NCK1: variants seen among roughly 807,000 people sequenced by gnomAD.
NCK1 encodes the protein NCK adaptor protein 1.
In NCK1, 19 loss-of-function variants were observed where a neutral mutation model predicts 36.6. The observed-to-expected ratio is 0.52, with a 90% CI of 0.36 to 0.76. The LOEUF (loss-of-function observed/expected upper bound fraction) is 0.76, where lower values mean the gene tolerates loss of function less well. Among genes scored for constraint, NCK1 ranks in the 30% least tolerant of loss-of-function variants. The probability of loss-of-function intolerance (pLI) is 0.00; values close to 1 mark genes in which losing one functional copy is unlikely to be tolerated. For missense variants in NCK1, 358 were observed against 445.6 expected, an observed-to-expected ratio of 0.80 and a Z score of 1.77; for synonymous variants, 165 against 156.0, an observed-to-expected ratio of 1.06 and a Z score of -0.43.
In NCK1 at chr3:136,951,263, T is replaced by C. The variant is rs1187086637; in HGVS notation, c.*2810T>C. Among the ~76,000 whole-genome samples the C allele has an allele frequency of 6.6e-6, 1 of 152,204 alleles. No individual in the cohort carries two copies. Among genetic ancestry groups the C allele is most frequent in the Admixed American group, 6.5e-5 (1 of 15,274 alleles). On this transcript the variant is annotated 3_prime_UTR_variant, in exon 4 of 4. Coordinates refer to ENST00000481752, the MANE Select transcript of NCK1 (RefSeq NM_001291999.2). ...CTGTAGCACGTTTGTGAGAATTCTCTAGGCAGGCCCAGCCCTTCTCTAGAA... is the reference window on the plus strand; with the variant it reads ...CTGTAGCACGTTTGTGAGAATTCTCCAGGCAGGCCCAGCCCTTCTCTAGAA...
chr3:136,947,446 G>C (rs1560057724), intron 3 of NCK1, among the ~76,000 whole-genome samples: 1 of 152,098 alleles, frequency 6.6e-6, no homozygotes, highest in Non-Finnish European at 1.5e-5. Context: ...ATTTTTAGCA[G>C]TATACTTTTT....
intron 1 of NCK1, among the ~76,000 whole-genome samples, 195 bp downstream of exon 1, chr3:136,862,548 T>A (rs145530507): frequency 3.0e-4 from 46 of 152,296 alleles, no homozygotes; most frequent in Non-Finnish European, 6.5e-4. Context: ...TGCACCGGGA[T>A]TCCGCGAGAC....
chr3:136,872,010 T>C (rs1938635546), intron 1 of NCK1, among the ~76,000 whole-genome samples: 1 of 152,164 alleles, frequency 6.6e-6, no homozygotes, highest in Non-Finnish European at 1.5e-5. Flanking sequence ...ATCAGCAGCA[T>C]GAAAACAGAT....
chr3:136,864,021 A>T (rs998321451), intron 1 of NCK1, among the ~76,000 whole-genome samples: 1 of 152,006 alleles, frequency 6.6e-6, no homozygotes, highest in Non-Finnish European at 1.5e-5. Flanking sequence ...GAATGGCGTG[A>T]ACCCGGGAGG....
In NCK1 at chr3:136,936,304, G is replaced by A. The variant is rs570780634; in HGVS notation, c.226+8077G>A. 3.4e-4 allele frequency among the ~76,000 whole-genome samples: 52 copies of A among 152,214 alleles called. 1 individual carries two copies. The East Asian group carries it at 9.5e-3, about 28-fold the overall frequency. On this transcript the variant is annotated intron_variant, in intron 2 of 3. Coordinates refer to ENST00000481752, the MANE Select transcript of NCK1 (RefSeq NM_001291999.2). ...CATCTGCCCGCCTCGGCCTCCCAAA[G>A]TGCTGGGATTACAGACGTGAGCCAC...
chr3:136,897,323 C>G (rs1368637515), intron 1 of NCK1, among the ~76,000 whole-genome samples: 1 of 152,128 alleles, frequency 6.6e-6, no homozygotes, highest in Non-Finnish European at 1.5e-5. Context: ...AACTCCTGAC[C>G]TCAAGTGATC....
At chr3:136,896,301 C>T (rs1939389859) in intron 1 of NCK1, among the ~76,000 whole-genome samples, 1 of 152,056 alleles carries the variant, frequency 6.6e-6, no homozygotes, top group Admixed American at 6.5e-5. Flanking sequence ...ACCCATGTAC[C>T]CTTCTCAGAT....
chr3:136,923,745 T>C (rs1940173399), intron 1 of NCK1, among the ~76,000 whole-genome samples: 1 of 152,194 alleles, frequency 6.6e-6, no homozygotes, highest in African/African-American at 2.4e-5. Flanking sequence ...TTCAAACATG[T>C]TTGATATTTA....
rs77366837 is a variant in NCK1 at position 136,881,990 on chromosome 3, G to T, written c.-19+19637G>T. On this transcript the variant is annotated intron_variant, in intron 1 of 3. Coordinates refer to ENST00000481752, the MANE Select transcript of NCK1 (RefSeq NM_001291999.2). ...AAGAATAGTGTTTCCATGAACATGG[G>T]TGTAGAAATATCTGTTCAGGTTCCT... Among the ~76,000 whole-genome samples, 914 of 152,262 alleles carry T rather than the reference G, an allele frequency of 6.0e-3. 12 individuals are homozygous for T. Among genetic ancestry groups the T allele is most frequent in the African/African-American group, 0.021 (866 of 41,558 alleles).
At chr3:136,890,315 C>T (rs1036534968) in intron 1 of NCK1, among the ~76,000 whole-genome samples, 6 of 152,302 alleles carry the variant, frequency 3.9e-5, no homozygotes, top group Admixed American at 2.6e-4. Context: ...GCCAAGCCCA[C>T]GCCCACCCGG....
At chr3:136,903,052 G>A (rs1444636597) in intron 1 of NCK1, among the ~76,000 whole-genome samples, 2 of 152,208 alleles carry the variant, frequency 1.3e-5, no homozygotes, top group African/African-American at 4.8e-5. Flanking sequence ...GGGTGCTGGT[G>A]TCCCTAACTA....
intron 1 of NCK1, among the ~76,000 whole-genome samples, chr3:136,874,628 C>T (rs1938714861): frequency 1.3e-5 from 2 of 152,132 alleles, no homozygotes; most frequent in Non-Finnish European, 2.9e-5. Flanking sequence ...CCTGGCATTT[C>T]TTCCTTTCTG....
At chr3:136,893,714 G>T (rs1250208353) in intron 1 of NCK1, among the ~76,000 whole-genome samples, 1 of 152,108 alleles carries the variant, frequency 6.6e-6, no homozygotes, top group Non-Finnish European at 1.5e-5. Context: ...GCTCAGATTG[G>T]CTTAAACCCT....
chr3:136,862,410 C>G (rs541042668), intron 1 of NCK1, 57 bp downstream of exon 1: 1 of 152,476 alleles, frequency 6.6e-6, no homozygotes, highest in African/African-American at 2.4e-5. Context: ...GTCCGCTGTC[C>G]GTCCATACAG....
chr3:136,899,638 C>T (rs1456033890), intron 1 of NCK1: 1 of 693,926 alleles, frequency 1.4e-6, no homozygotes, highest in Non-Finnish European at 2.7e-6. Context: ...CCTTGAATAC[C>T]ACCATTGTCT....
chr3:136,945,971 T>G lies in NCK1; in HGVS notation c.615T>G (p.Asn205Lys). The G allele has an allele frequency of 1.2e-6, 2 of 1,614,044 alleles. No homozygotes were observed. The highest frequency in any genetic ancestry group is 1.7e-6 in the Non-Finnish European group (2 of 1,180,012). Residue 205 changes from asparagine (N) to lysine (K), a missense_variant, in exon 3 of 4, where the codon AAT becomes AAG. This residue lies in a region of NCK1 where 207 missense variants were observed against 253.4 expected (regional missense o/e 0.82). Coordinates refer to ENST00000481752, the MANE Select transcript of NCK1 (RefSeq NM_001291999.2). ...VQALYPFSSS[N>K]DEELNFEKGD... is the part of the protein sequence containing the mutation. ...CTCTTTACCCATTCAGCTCATCTAA[T>G]GATGAAGAACTTAATTTCGAGAAAG...
chr3:136,864,938 A>G (rs1483314219), intron 1 of NCK1, among the ~76,000 whole-genome samples: 3 of 127,104 alleles, frequency 2.4e-5, no homozygotes, highest in Non-Finnish European at 5.0e-5. Context: ...TTTTGTATAT[A>G]TATATATTTT....
chr3:136,942,479 C>T (rs940064666), intron 2 of NCK1, among the ~76,000 whole-genome samples: 2 of 151,998 alleles, frequency 1.3e-5, no homozygotes, highest in Non-Finnish European at 2.9e-5. Flanking sequence ...CACCTGGAGC[C>T]AAAAGAAAAA....
Position 136,930,606 on chromosome 3 carries a change from T to C in NCK1, c.226+2379T>C, listed in dbSNP as rs946368800. The C allele has an allele frequency of 4.1e-6, 6 of 1,453,890 alleles. No individual in the cohort carries two copies. The Admixed American group carries it at 1.2e-4, about 30-fold the overall frequency. The allele number at this position is 1,453,890 out of a possible 1,614,324, so 90.1% of individuals were successfully genotyped here. On this transcript the variant is annotated intron_variant, in intron 2 of 3. Transcript: ENST00000481752. The stretch of plus-strand genomic sequence containing the variant: ...TAAAGATTTTTTCAGTAAGTTAATC[T>C]GTTTATTAAATCCACTGTTTTCTTG...
Sources: gnomAD v4.1 joint callset for allele counts (sites outside exome capture counted in the v4.1 genomes callset) on GRCh38, gnomAD v4.1.1 for gene constraint, gnomAD v4.1.1 regional missense constraint, MANE v1.5 for transcripts, NCBI Gene and HGNC (gene_info 2026-07-23, HGNC 2026-07-21) for gene names.